The following SLC4A10 variants were observed in gnomAD, a reference collection of about 807,000 sequenced individuals.
The protein encoded by SLC4A10 is sodium-driven chloride bicarbonate exchanger.
Under a neutral mutation model 137.7 loss-of-function variants are expected in SLC4A10, and 42 were observed. The ratio of observed to expected loss-of-function variants is 0.30; its 90% confidence interval spans 0.24 to 0.39. SLC4A10 has a LOEUF of 0.39. Ranked by LOEUF, SLC4A10 falls within the 10% of genes least tolerant of loss-of-function variation. The pLI, the probability that SLC4A10 is intolerant of heterozygous loss-of-function variation, is 1.00. For missense variants in SLC4A10, 925 were observed against 1,355.0 expected (o/e 0.68, Z 4.98); for synonymous variants, 474 against 464.1 (o/e 1.02, Z -0.27).
At chr2:161,669,832 C>T (rs2039487608) in intron 1 of SLC4A10, among the ~76,000 whole-genome samples, 1 of 151,990 alleles carries the variant, frequency 6.6e-6, no homozygotes, top group Non-Finnish European at 1.5e-5. Flanking sequence ...AATTGGGTGA[C>T]ACAGTAAAAC....
intron 2 of SLC4A10, among the ~76,000 whole-genome samples, chr2:161,792,452 A>G (rs1421561953): frequency 6.7e-6 from 1 of 149,246 alleles, no homozygotes; most frequent in Non-Finnish European, 1.5e-5. Context: ...GACATCTGAG[A>G]CTTAAATATG....
intron 3 of SLC4A10, among the ~76,000 whole-genome samples, chr2:161,819,585 C>T (rs2057435078): frequency 6.6e-6 from 1 of 151,832 alleles, no homozygotes; most frequent in African/African-American, 2.4e-5. Flanking sequence ...ACCTCTGCCT[C>T]CCTGGTTCAA....
chr2:161,873,212 T>C (rs757186046), intron 7 of SLC4A10, among the ~76,000 whole-genome samples: 1 of 151,964 alleles, frequency 6.6e-6, no homozygotes, highest in Non-Finnish European at 1.5e-5. Context: ...ACTGACTGTG[T>C]TGAGGGATAC....
intron 2 of SLC4A10, among the ~76,000 whole-genome samples, chr2:161,784,422 T>A (rs2053395412): frequency 6.6e-6 from 1 of 151,846 alleles, no homozygotes; most frequent in Admixed American, 6.6e-5. Context: ...ACATGAACAT[T>A]TCACTCAATA....
intron 5 of SLC4A10, among the ~76,000 whole-genome samples, chr2:161,856,046 C>G (rs1012472139): frequency 6.6e-6 from 1 of 151,994 alleles, no homozygotes; most frequent in Non-Finnish European, 1.5e-5. Flanking sequence ...TGCAGAACAG[C>G]CCCATGAAGT....
intron 1 of SLC4A10, among the ~76,000 whole-genome samples, chr2:161,724,337 A>G (rs2046000487): frequency 6.6e-6 from 1 of 152,192 alleles, no homozygotes; most frequent in South Asian, 2.1e-4. Context: ...TTCATGGCAT[A>G]AAGGCACTTA....
At chr2:161,804,216 T>G (rs1439582387) in intron 2 of SLC4A10, among the ~76,000 whole-genome samples, 2 of 152,122 alleles carry the variant, frequency 1.3e-5, no homozygotes, top group African/African-American at 4.8e-5. Flanking sequence ...AAGTGATGAT[T>G]GCAAAATATT....
chr2:161,720,353 G>A (rs1251720625), intron 1 of SLC4A10, among the ~76,000 whole-genome samples: 1 of 152,152 alleles, frequency 6.6e-6, no homozygotes, highest in Non-Finnish European at 1.5e-5. Flanking sequence ...TGTTCTTTTG[G>A]CTTAGGATTG....
At chr2:161,868,193 T>C (rs2060882778) in intron 6 of SLC4A10, among the ~76,000 whole-genome samples, 1 of 151,950 alleles carries the variant, frequency 6.6e-6, no homozygotes, top group South Asian at 2.1e-4. Context: ...AATGAGTTAA[T>C]ATAATACTCA....
In SLC4A10 at chr2:161,873,295, T is replaced by C. The variant is rs2061249859; in HGVS notation, c.859-621T>C. 2.0e-5 allele frequency among the ~76,000 whole-genome samples: 3 copies of C among 152,114 alleles called. No homozygotes were observed. The South Asian group carries it at 6.2e-4, about 31-fold the overall frequency. On this transcript the variant is annotated intron_variant, in intron 7 of 26. Coordinates refer to ENST00000446997, the MANE Select transcript of SLC4A10 (RefSeq NM_001178015.2). ...TTAGAAAATGAGTCAGTGACAATGATGTGATTTTGATTAGCAAATTCCTGA... is the reference window on the plus strand; with the variant it reads ...TTAGAAAATGAGTCAGTGACAATGACGTGATTTTGATTAGCAAATTCCTGA...
chr2:161,879,823 A>G (rs1487859166), intron 9 of SLC4A10, among the ~76,000 whole-genome samples: 1 of 152,100 alleles, frequency 6.6e-6, no homozygotes, highest in Non-Finnish European at 1.5e-5. Context: ...AAACACTGGT[A>G]GAAGTATTAT....
Position 161,723,972 on chromosome 2 carries a change from C to T in SLC4A10, c.49-47001C>T, listed in dbSNP as rs558089062. On this transcript the variant is annotated intron_variant, in intron 1 of 26. Transcript: ENST00000446997. ...TATCTCAAACTTGATATGTATCAAA[C>T]TAAATACACTATATTCTCTTCAAAA... is the stretch of plus-strand genomic sequence containing the variant. 2.0e-4 allele frequency among the ~76,000 whole-genome samples: 31 copies of T among 152,306 alleles called. No individual in the cohort carries two copies. The South Asian group carries it at 5.8e-3, about 28-fold the overall frequency.
At chr2:161,826,818 A>C (rs2058048014) in intron 3 of SLC4A10, among the ~76,000 whole-genome samples, 1 of 152,202 alleles carries the variant, frequency 6.6e-6, no homozygotes, top group Admixed American at 6.5e-5. Context: ...ACAGTAATAA[A>C]TGTTCTTTGG....
chr2:161,893,308 G>T (rs2063104927), intron 10 of SLC4A10, among the ~76,000 whole-genome samples: 1 of 152,136 alleles, frequency 6.6e-6, no homozygotes, highest in South Asian at 2.1e-4. Flanking sequence ...ACTTTGAGTG[G>T]AAATGAACTT....
At chr2:161,962,978 A>T (rs77632359) in intron 21 of SLC4A10, among the ~76,000 whole-genome samples, 1 of 152,174 alleles carries the variant, frequency 6.6e-6, no homozygotes, top group Non-Finnish European at 1.5e-5. Context: ...TTGAAAATGC[A>T]TAATGGATGT....
At chr2:161,804,699 C>A (rs751406645) in intron 3 of SLC4A10, 104 bp downstream of exon 3, 38 of 1,098,046 alleles carry the variant, frequency 3.5e-5, no homozygotes, top group African/African-American at 6.4e-5. Context: ...ATTGTTTATA[C>A]TTTTATAAAA....
intron 8 of SLC4A10, 41 bp downstream of exon 8, chr2:161,874,046 GC>G (rs1465048105): frequency 6.5e-7 from 1 of 1,538,684 alleles, no homozygotes; most frequent in South Asian, 1.2e-5. Flanking sequence ...GTGGTTCAAA[GC>G]TCATTTCACT....
At chr2:161,862,486 C>T (rs1201901221) in intron 5 of SLC4A10, among the ~76,000 whole-genome samples, 2 of 152,074 alleles carry the variant, frequency 1.3e-5, no homozygotes, top group Admixed American at 1.3e-4. Context: ...AATTCAAACA[C>T]ATTATGAATT....
chr2:161,650,749 C>T (rs996789476), intron 1 of SLC4A10, among the ~76,000 whole-genome samples: 3 of 152,040 alleles, frequency 2.0e-5, no homozygotes, highest in African/African-American at 7.2e-5. Context: ...AAACACCAGC[C>T]CCCTGCTGCC....
Sources: allele counts gnomAD v4.1 joint callset (sites outside exome capture counted in the v4.1 genomes callset), GRCh38; gene constraint gnomAD v4.1.1; transcripts MANE v1.5; gene names NCBI Gene and HGNC (gene_info 2026-07-23, HGNC 2026-07-21).